Variants in ARHGAP15 observed in about 807,000 individuals in gnomAD.
ARHGAP15 encodes the protein rho GTPase-activating protein 15.
Under a neutral mutation model 63.7 loss-of-function variants are expected in ARHGAP15, and 51 were observed. That is an observed-to-expected ratio of 0.80 (90% CI 0.64 to 1.01). The LOEUF (loss-of-function observed/expected upper bound fraction) is 1.01, where lower values mean the gene tolerates loss of function less well. ARHGAP15 is among the 50% of genes least tolerant of loss of function. The probability of loss-of-function intolerance (pLI) is 0.00; values close to 1 mark genes in which losing one functional copy is unlikely to be tolerated. For synonymous variants in ARHGAP15, 191 were observed against 193.8 expected (o/e 0.99, Z 0.12); for missense variants, 560 against 564.6 (o/e 0.99, Z 0.08).
chr2:143,545,208 T>C (rs767932983), intron 10 of ARHGAP15, among the ~76,000 whole-genome samples: 6 of 152,160 alleles, frequency 3.9e-5, no homozygotes, highest in Non-Finnish European at 8.8e-5. Flanking sequence ...CTCTCTCACC[T>C]GAATGCTTAG....
chr2:143,357,245 T>A (rs1200581919), intron 6 of ARHGAP15, among the ~76,000 whole-genome samples: 3 of 152,196 alleles, frequency 2.0e-5, no homozygotes, highest in Non-Finnish European at 4.4e-5. Flanking sequence ...AAGGGTGAGA[T>A]GTTTGTTCAG....
At chr2:143,757,556 A>T (rs1168005591) in intron 13 of ARHGAP15, among the ~76,000 whole-genome samples, 1 of 151,946 alleles carries the variant, frequency 6.6e-6, no homozygotes, top group Non-Finnish European at 1.5e-5. Flanking sequence ...ATACATAGAG[A>T]TTATCAGCAC....
Position 143,287,556 on chromosome 2 carries a change from A to C in ARHGAP15, c.474+36956A>C, listed in dbSNP as rs148222588. 3.7e-3 allele frequency among the ~76,000 whole-genome samples: 558 copies of C among 152,242 alleles called. 2 individuals are homozygous for C. The highest frequency in any genetic ancestry group is 0.012 in the African/African-American group (512 of 41,552). ...CGCGGTACCTCACGCCTGTAATCCC[A>C]GCACTTTGGGAGGCCGAGGCAGGTG... On this transcript the variant is annotated intron_variant, in intron 6 of 13. Transcript: ENST00000295095.
At chr2:143,708,261 C>T (rs748233091) in intron 13 of ARHGAP15, among the ~76,000 whole-genome samples, 1 of 152,082 alleles carries the variant, frequency 6.6e-6, no homozygotes, top group African/African-American at 2.4e-5. Flanking sequence ...ATTAAATAAA[C>T]ATTTTACATC....
intron 10 of ARHGAP15, among the ~76,000 whole-genome samples, chr2:143,532,146 G>A (rs568526347): frequency 1.3e-5 from 2 of 152,342 alleles, no homozygotes; most frequent in Admixed American, 1.3e-4. Context: ...GGTGGTTACA[G>A]CCTCACATTG....
chr2:143,381,159 T>C (rs1457425570), intron 6 of ARHGAP15, among the ~76,000 whole-genome samples: 2 of 152,210 alleles, frequency 1.3e-5, no homozygotes, highest in African/African-American at 4.8e-5. Flanking sequence ...TCGAGTGAAG[T>C]CTTCATTCAA....
At chr2:143,296,152 C>A (rs993518464) in intron 6 of ARHGAP15, among the ~76,000 whole-genome samples, 2 of 151,970 alleles carry the variant, frequency 1.3e-5, no homozygotes, top group African/African-American at 4.8e-5. Context: ...AAGGGATGAG[C>A]CCCTGGAGGA....
At chr2:143,191,015 C>T (rs551162844) in intron 2 of ARHGAP15, among the ~76,000 whole-genome samples, 3 of 152,290 alleles carry the variant, frequency 2.0e-5, no homozygotes, top group South Asian at 2.1e-4. Context: ...ATGATCCGCC[C>T]GCCTGGGCCT....
intron 12 of ARHGAP15, among the ~76,000 whole-genome samples, chr2:143,631,751 C>A (rs1699080774): frequency 6.6e-6 from 1 of 152,028 alleles, no homozygotes; most frequent in African/African-American, 2.4e-5. Context: ...CATTCTATGG[C>A]TTTGTTTTCC....
chr2:143,417,202 C>T (rs1688728844), intron 6 of ARHGAP15, among the ~76,000 whole-genome samples: 2 of 152,140 alleles, frequency 1.3e-5, no homozygotes, highest in East Asian at 1.9e-4. Context: ...GATTTAATTG[C>T]TGCAGCCTAC....
intron 13 of ARHGAP15, among the ~76,000 whole-genome samples, chr2:143,754,246 G>A (rs1686489905): frequency 6.6e-6 from 1 of 152,120 alleles, no homozygotes; most frequent in Admixed American, 6.5e-5. Context: ...AATACCATGA[G>A]CCAAATACTA....
intron 9 of ARHGAP15, among the ~76,000 whole-genome samples, chr2:143,513,035 A>G (rs1693658445): frequency 1.3e-5 from 2 of 152,210 alleles, no homozygotes; most frequent in Non-Finnish European, 2.9e-5. Context: ...TGATGTAACC[A>G]AGTTCACCTG....
chr2:143,661,501 G>A (rs1433303183), intron 12 of ARHGAP15, among the ~76,000 whole-genome samples: 1 of 152,288 alleles, frequency 6.6e-6, no homozygotes, highest in East Asian at 1.9e-4. Context: ...TCTTCTTAAG[G>A]AGTATGTGTT....
At chr2:143,184,657 C>T (rs1691368164) in intron 2 of ARHGAP15, among the ~76,000 whole-genome samples, 1 of 151,686 alleles carries the variant, frequency 6.6e-6, no homozygotes, top group Non-Finnish European at 1.5e-5. Flanking sequence ...AAAATAATCC[C>T]GCCTAGCTAA....
chr2:143,575,791 G>A (rs2105132080), intron 11 of ARHGAP15, among the ~76,000 whole-genome samples: 1 of 152,240 alleles, frequency 6.6e-6, no homozygotes, highest in South Asian at 2.1e-4. Context: ...GAGGATTACA[G>A]TTCATTTGTA....
chr2:143,517,735 A>T (rs1026063504), intron 9 of ARHGAP15, among the ~76,000 whole-genome samples: 1 of 152,222 alleles, frequency 6.6e-6, no homozygotes, highest in Non-Finnish European at 1.5e-5. Flanking sequence ...AATGGCATGG[A>T]GTGGAGCCAT....
intron 6 of ARHGAP15, among the ~76,000 whole-genome samples, chr2:143,322,821 A>C (rs1475760307): frequency 6.6e-6 from 1 of 152,220 alleles, no homozygotes. Flanking sequence ...TGTCCTGATA[A>C]CTGGGAGAAT....
At chr2:143,307,307 CAT>C (rs1470300506) in intron 6 of ARHGAP15, among the ~76,000 whole-genome samples, 3 of 152,062 alleles carry the variant, frequency 2.0e-5, no homozygotes, top group African/African-American at 7.2e-5. Flanking sequence ...TGATATCCCT[CAT>C]ATTCACAGGT....
chr2:143,415,333 T>C (rs1273083865), intron 6 of ARHGAP15, among the ~76,000 whole-genome samples: 1 of 151,956 alleles, frequency 6.6e-6, no homozygotes, highest in Non-Finnish European at 1.5e-5. Context: ...ATTTAAAACC[T>C]CTTTGTGACT....
Sources: allele counts gnomAD v4.1 joint callset (sites outside exome capture counted in the v4.1 genomes callset), GRCh38; gene constraint gnomAD v4.1.1; transcripts MANE v1.5; gene names NCBI Gene and HGNC (gene_info 2026-07-23, HGNC 2026-07-21).